UNC5D: variants seen among roughly 807,000 people sequenced by gnomAD.
UNC5D encodes netrin receptor UNC5D.
UNC5D carries 39 observed loss-of-function variants against 105.4 expected under a neutral mutation model. The ratio of observed to expected loss-of-function variants is 0.37; its 90% confidence interval spans 0.29 to 0.48. The LOEUF (loss-of-function observed/expected upper bound fraction) is 0.48. UNC5D is among the 20% of genes least tolerant of loss of function. UNC5D has a pLI of 0.98. For synonymous variants in UNC5D, 452 were observed against 450.4 expected (o/e 1.00, Z -0.04); for missense variants, 991 against 1,202.4 (o/e 0.82, Z 2.60).
intron 1 of UNC5D, among the ~76,000 whole-genome samples, chr8:35,458,100 T>C (rs952301021): frequency 6.6e-6 from 1 of 152,172 alleles, no homozygotes; most frequent in Admixed American, 6.5e-5. Flanking sequence ...TGCTGCCTGC[T>C]CTGCACCATA....
At chr8:35,549,107 A>T (rs1255903865) in intron 1 of UNC5D, among the ~76,000 whole-genome samples, 185 bp from the exon 2 acceptor site, 1 of 152,214 alleles carries the variant, frequency 6.6e-6, no homozygotes, top group Admixed American at 6.5e-5. Context: ...AGCTGGAGGC[A>T]CCATATCCTC....
intron 1 of UNC5D, among the ~76,000 whole-genome samples, chr8:35,455,675 A>T (rs1585882698): frequency 1.3e-5 from 2 of 152,070 alleles, no homozygotes; most frequent in African/African-American, 4.8e-5. Flanking sequence ...ATTAAAAAAA[A>T]AAACAAAAAA....
chr8:35,573,795 T>C (rs759595816), intron 3 of UNC5D, among the ~76,000 whole-genome samples: 1 of 152,238 alleles, frequency 6.6e-6, no homozygotes, highest in Non-Finnish European at 1.5e-5. Flanking sequence ...GCCTGTTATC[T>C]TAAACTATTG....
At chr8:35,427,487 C>T (rs1382299961) in intron 1 of UNC5D, among the ~76,000 whole-genome samples, 3 of 152,158 alleles carry the variant, frequency 2.0e-5, no homozygotes, top group African/African-American at 7.2e-5. Context: ...TGTGTTTTAG[C>T]AGGGTGGATG....
chr8:35,722,284 A>G lies in UNC5D; in HGVS notation c.1192A>G (p.Ile398Val), dbSNP rs138102931. ...AAVVAVAVLVIGVTLYRRSQS... is the reference protein window; with the variant it reads ...AAVVAVAVLVVGVTLYRRSQS... ...CGTCGTGGCCGTTGCAGTCCTGGTC[A>G]TTGGTGTCACCCTTTACAGACGGAG... Residue 398 changes from isoleucine to valine, a missense_variant, in exon 9 of 17, where the codon ATT (isoleucine) becomes GTT (valine). By Grantham distance (29) the Ile-to-Val change is conservative (BLOSUM62 3). Transcript: ENST00000404895. 2 of 1,614,006 alleles carry G rather than the reference A, an allele frequency of 1.2e-6. No homozygotes were observed. The highest frequency in any genetic ancestry group is 2.7e-5 in the African/African-American group (2 of 74,912).
intron 1 of UNC5D, among the ~76,000 whole-genome samples, chr8:35,481,328 G>C (rs993671958): frequency 6.6e-6 from 1 of 152,184 alleles, no homozygotes; most frequent in Admixed American, 6.5e-5. Context: ...AAATGACAAA[G>C]GTGGAGGTTG....
chr8:35,433,847 C>CAA (rs35220872), intron 1 of UNC5D, among the ~76,000 whole-genome samples: 8 of 86,596 alleles, frequency 9.2e-5, no homozygotes, highest in African/African-American at 2.3e-4. Context: ...GACCCTGTCT[C>CAA]AAAAAAAAAA....
intron 1 of UNC5D, among the ~76,000 whole-genome samples, chr8:35,387,013 A>AC (rs1166532480): frequency 3.3e-5 from 4 of 119,696 alleles, no homozygotes; most frequent in Non-Finnish European, 5.5e-5. Flanking sequence ...GTGAGAAGGA[A>AC]TTCCCCCCCT....
intron 1 of UNC5D, among the ~76,000 whole-genome samples, chr8:35,509,439 T>C (rs898868560): frequency 1.5e-5 from 1 of 66,730 alleles, no homozygotes; most frequent in African/African-American, 5.8e-5. Context: ...GAGCACAGGG[T>C]CAAATATAGA....
At chr8:35,658,803 T>C (rs775024176) in intron 4 of UNC5D, among the ~76,000 whole-genome samples, 3 of 151,962 alleles carry the variant, frequency 2.0e-5, no homozygotes, top group African/African-American at 4.8e-5. Flanking sequence ...AGGCGACTGA[T>C]ACCACACCCA....
chr8:35,324,009 G>A (rs780730177), intron 1 of UNC5D, among the ~76,000 whole-genome samples: 3 of 151,836 alleles, frequency 2.0e-5, no homozygotes, highest in African/African-American at 4.8e-5. Context: ...GCAGGAAGAC[G>A]GTTTGTGCCC....
intron 16 of UNC5D, among the ~76,000 whole-genome samples, chr8:35,781,324 A>G (rs781139863): frequency 5.3e-5 from 8 of 152,166 alleles, no homozygotes; most frequent in Non-Finnish European, 1.0e-4. Context: ...CCCATCCTAA[A>G]GGCAATATGG....
Position 35,383,574 on chromosome 8 carries a change from G to A in UNC5D, c.103+147687G>A, listed in dbSNP as rs571339836. ...ACACAGATAAAGAGCCTCTAAGGTA[G>A]GCAAGAGAGCATAGGCAAACACATA... On this transcript the variant is annotated intron_variant, in intron 1 of 16. Coordinates refer to ENST00000404895, the MANE Select transcript of UNC5D (RefSeq NM_080872.4). Among the ~76,000 whole-genome samples, 5 of 152,328 alleles carry A rather than the reference G, an allele frequency of 3.3e-5. No homozygotes were observed. The South Asian group carries it at 1.0e-3, about 32-fold the overall frequency.
rs1424217414 is a variant in UNC5D, at chr8:35,544,876, T to C, written c.104-4416T>C. On this transcript the variant is annotated intron_variant, in intron 1 of 16. Coordinates refer to ENST00000404895, the MANE Select transcript of UNC5D (RefSeq NM_080872.4). The stretch of plus-strand genomic sequence containing the variant: ...CCTCTGCCTCCCAGAGTGCTGGGAT[T>C]ACAGGCATGAGCCACAGCACCTGGT... Among the ~76,000 whole-genome samples the C allele has an allele frequency of 2.0e-5, 3 of 152,274 alleles. No individual in the cohort carries two copies. In the East Asian group the frequency reaches 5.8e-4, roughly 29 times the overall value.
At chr8:35,749,819 C>T (rs549972661) in intron 12 of UNC5D, among the ~76,000 whole-genome samples, 1 of 152,232 alleles carries the variant, frequency 6.6e-6, no homozygotes, top group East Asian at 1.9e-4. Context: ...AAACCAGTCA[C>T]ATATACTAAA....
chr8:35,405,540 T>G (rs751391958), intron 1 of UNC5D, among the ~76,000 whole-genome samples: 1 of 152,220 alleles, frequency 6.6e-6, no homozygotes, highest in African/African-American at 2.4e-5. Flanking sequence ...AATTTGCATA[T>G]TCACATTTCC....
intron 1 of UNC5D, among the ~76,000 whole-genome samples, chr8:35,345,584 T>C (rs1356437291): frequency 6.6e-6 from 1 of 152,098 alleles, no homozygotes; most frequent in Non-Finnish European, 1.5e-5. Flanking sequence ...TTTGACTGTG[T>C]TGGGCATGGG....
intron 16 of UNC5D, 133 bp from the exon 17 acceptor site, chr8:35,790,226 C>A: frequency 1.1e-6 from 1 of 946,504 alleles, no homozygotes; most frequent in Non-Finnish European, 1.6e-6. Flanking sequence ...CCAGACCTGC[C>A]TTACTATAGC....
At chr8:35,251,175 G>A (rs770625297) in intron 1 of UNC5D, among the ~76,000 whole-genome samples, 13 of 152,056 alleles carry the variant, frequency 8.5e-5, no homozygotes, top group Non-Finnish European at 1.8e-4. Flanking sequence ...GAACATACCT[G>A]GGACTGGGAA....
Sources: allele counts gnomAD v4.1 joint callset (sites outside exome capture counted in the v4.1 genomes callset), GRCh38; gene constraint gnomAD v4.1.1; transcripts MANE v1.5; gene names NCBI Gene and HGNC (gene_info 2026-07-23, HGNC 2026-07-21).